The following PGBD2 variants were observed in gnomAD, a reference collection of about 807,000 sequenced individuals.
The protein encoded by PGBD2 is piggyBac transposable element-derived protein 2.
In PGBD2, 6 loss-of-function variants were observed where a neutral mutation model predicts 8.1. That is an observed-to-expected ratio of 0.74 (90% CI 0.40 to 1.46). PGBD2 has a LOEUF of 1.46. Among genes scored for constraint, PGBD2 ranks in the 40% most tolerant of loss-of-function variants. The probability of loss-of-function intolerance (pLI) is 0.02; values close to 1 mark genes in which losing one functional copy is unlikely to be tolerated. For missense variants in PGBD2, 802 were observed against 739.0 expected (o/e 1.09, Z -0.99); for synonymous variants, 318 against 272.2 (o/e 1.17, Z -1.66).
upstream of PGBD2, among the ~76,000 whole-genome samples, chr1:248,905,338 T>G (rs1661602645): frequency 6.6e-6 from 1 of 152,200 alleles, no homozygotes; most frequent in Admixed American, 6.5e-5. Context: ...GATTTCTGTG[T>G]TCAAAGCCTT....
chr1:248,876,855 A>G, the PGBD2 span, among the ~76,000 whole-genome samples: 1 of 152,204 alleles, frequency 6.6e-6, no homozygotes, highest in African/African-American at 2.4e-5. Flanking sequence ...TGGGTTTTCT[A>G]GTAAAGTTTT....
intron 2 of PGBD2, 87 bp from the exon 3 acceptor site, chr1:248,916,515 T>C: frequency 8.5e-7 from 1 of 1,178,410 alleles, no homozygotes; most frequent in South Asian, 1.4e-5. Context: ...GTGGAAGTGT[T>C]TTATAGTGGG....
chr1:248,915,596 G>A (rs568846153), intron 2 of PGBD2, among the ~76,000 whole-genome samples: 1 of 152,256 alleles, frequency 6.6e-6, no homozygotes, highest in South Asian at 2.1e-4. Flanking sequence ...TGGGTTTATT[G>A]GGATGTAACC....
downstream of PGBD2, among the ~76,000 whole-genome samples, chr1:248,922,129 G>A (rs1444382476): frequency 6.0e-5 from 9 of 149,534 alleles, no homozygotes; most frequent in African/African-American, 1.5e-4. Flanking sequence ...GCACGATCTC[G>A]GCTCACTGCA....
the PGBD2 span, among the ~76,000 whole-genome samples, chr1:248,894,035 C>A: frequency 1.9e-3 from 282 of 152,240 alleles, 1 homozygote; most frequent in African/African-American, 5.9e-3. Context: ...TCTGCTGGCC[C>A]TGGCCATTTG....
chr1:248,927,897 G>A, the PGBD2 span, among the ~76,000 whole-genome samples: 1 of 152,166 alleles, frequency 6.6e-6, no homozygotes, highest in East Asian at 1.9e-4. Context: ...AACAGAAAGG[G>A]ATAACTTCAT....
chr1:248,890,773 C>T, the PGBD2 span, among the ~76,000 whole-genome samples: 1 of 151,430 alleles, frequency 6.6e-6, no homozygotes, highest in African/African-American at 2.4e-5. Flanking sequence ...ACCCCGCACA[C>T]CACACATCAC....
downstream of PGBD2, among the ~76,000 whole-genome samples, chr1:248,924,785 T>C (rs1662351198): frequency 6.6e-6 from 1 of 152,186 alleles, no homozygotes; most frequent in African/African-American, 2.4e-5. Flanking sequence ...ATACAGAAAC[T>C]GAGGTTTTCT....
At chr1:248,908,836 C>G (rs1661759597) in intron 1 of PGBD2, among the ~76,000 whole-genome samples, 1 of 152,064 alleles carries the variant, frequency 6.6e-6, no homozygotes, top group Admixed American at 6.6e-5. Context: ...TGTGCTGTGC[C>G]TTTTGCCTGG....
At chr1:248,884,874 A>G in the PGBD2 span, among the ~76,000 whole-genome samples, 1 of 152,210 alleles carries the variant, frequency 6.6e-6, no homozygotes, top group Admixed American at 6.5e-5. Flanking sequence ...CATGCCTGGC[A>G]TGGTCTTAGG....
the PGBD2 span, among the ~76,000 whole-genome samples, chr1:248,873,879 G>GC: frequency 6.6e-6 from 1 of 152,202 alleles, no homozygotes; most frequent in African/African-American, 2.4e-5. Context: ...GTGGTCTAAG[G>GC]CGCCAGACTC....
intron 1 of PGBD2, among the ~76,000 whole-genome samples, chr1:248,908,180 C>T (rs374011685): frequency 1.3e-5 from 2 of 152,266 alleles, no homozygotes; most frequent in African/African-American, 4.8e-5. Flanking sequence ...TTTAGTTGTC[C>T]TGTCTTTCCT....
chr1:248,899,043 AG>A, the PGBD2 span, among the ~76,000 whole-genome samples: 1 of 152,222 alleles, frequency 6.6e-6, no homozygotes, highest in African/African-American at 2.4e-5. Flanking sequence ...CAATTAAACA[AG>A]AGGAGTTAAC....
At chr1:248,873,537 A>C in the PGBD2 span, among the ~76,000 whole-genome samples, 1 of 152,212 alleles carries the variant, frequency 6.6e-6, no homozygotes, top group African/African-American at 2.4e-5. Context: ...GAGTTTCCCC[A>C]GCTTGGGCCG....
chr1:248,896,238 C>T, the PGBD2 span, among the ~76,000 whole-genome samples: 5 of 152,016 alleles, frequency 3.3e-5, no homozygotes, highest in African/African-American at 4.8e-5. Context: ...GTTCTCAGGC[C>T]GTTGACTCAA....
the PGBD2 span, among the ~76,000 whole-genome samples, chr1:248,883,400 G>T: frequency 6.6e-6 from 1 of 152,146 alleles, no homozygotes; most frequent in South Asian, 2.1e-4. Context: ...GGGATTACAG[G>T]TGTGAGCCAC....
At chr1:248,879,933 T>G in the PGBD2 span, among the ~76,000 whole-genome samples, 1 of 152,178 alleles carries the variant, frequency 6.6e-6, no homozygotes, top group Non-Finnish European at 1.5e-5. Flanking sequence ...GTCCAAATGC[T>G]CTAACAACTG....
chr1:248,911,045 C>A (rs1054695656), intron 1 of PGBD2, among the ~76,000 whole-genome samples: 3 of 152,104 alleles, frequency 2.0e-5, no homozygotes, highest in Non-Finnish European at 4.4e-5. Context: ...TTTGCCCCCC[C>A]ATCTCGAGCA....
At chr1:248,925,396 G>C in the PGBD2 span, among the ~76,000 whole-genome samples, 1 of 152,164 alleles carries the variant, frequency 6.6e-6, no homozygotes, top group Non-Finnish European at 1.5e-5. Context: ...CACATGTAAT[G>C]CTATTGCTGC....
Sources: gnomAD v4.1 joint callset for allele counts (sites outside exome capture counted in the v4.1 genomes callset) on GRCh38, gnomAD v4.1.1 for gene constraint, MANE v1.5 for transcripts, NCBI Gene and HGNC (gene_info 2026-07-23, HGNC 2026-07-21) for gene names.